AHNAK: variants seen among roughly 807,000 people sequenced by gnomAD.
The protein encoded by AHNAK is neuroblast differentiation-associated protein AHNAK.
AHNAK carries 23 observed loss-of-function variants against 37.8 expected under a neutral mutation model. That is an observed-to-expected ratio of 0.61 (90% CI 0.44 to 0.86). The LOEUF (loss-of-function observed/expected upper bound fraction) is 0.86, where lower values mean the gene tolerates loss of function less well. AHNAK is among the 40% of genes least tolerant of loss of function. The pLI, the probability that AHNAK is intolerant of heterozygous loss-of-function variation, is 0.00. For synonymous variants in AHNAK, 2,481 were observed against 2,636.3 expected (o/e 0.94, Z 1.80); for missense variants, 7,411 against 7,319.4 (o/e 1.01, Z -0.46).
chr11:62,488,565 A>ATTTTTT (rs57544040), intron 5 of AHNAK, among the ~76,000 whole-genome samples: 54 of 133,960 alleles, frequency 4.0e-4, no homozygotes, highest in African/African-American at 1.5e-3. Context: ...TGCCCAGCTA[A>ATTTTTT]TTTTTTTTTT....
chr11:62,463,255 C>T (rs1938831411), intron 5 of AHNAK, among the ~76,000 whole-genome samples: 2 of 152,012 alleles, frequency 1.3e-5, no homozygotes, highest in Admixed American at 6.6e-5. Flanking sequence ...TCTTCTGTTC[C>T]AATAAGTTGA....
chr11:62,519,456 G>A lies in AHNAK; in HGVS notation c.14961C>T (p.Pro4987=). 1 of 1,612,126 alleles carries A rather than the reference G, an allele frequency of 6.2e-7. No homozygotes were observed. Among genetic ancestry groups the A allele is most frequent in the Non-Finnish European group, 8.5e-7 (1 of 1,179,432 alleles). ...KPKFGFGAKS[P]KADIKSPSLD... is the part of the protein sequence containing the mutation. ...GTGAAGGTGACTTGATGTCAGCTTT[G>A]GGGCTTTTTGCCCCAAATCCAAACT... Residue 4987 remains proline (P), a synonymous_variant, in exon 5 of 5, where the codon CCC becomes CCT. Transcript: ENST00000378024.
In AHNAK at chr11:62,523,805, T is replaced by C. The variant is rs777127334; in HGVS notation, c.10612A>G (p.Ile3538Val). The change falls in exon 5 of 5, where the codon ATC becomes GTC. Residue 3538 changes from isoleucine to valine, a missense_variant. Ile to Val is a conservative substitution (Grantham distance 29). Coordinates refer to ENST00000378024, the MANE Select transcript of AHNAK (RefSeq NM_001620.3). ...GGCATGGAGATCTTGGGAGCTTTGA[T>C]ATTCATGTCAGGCATCTTGAATTTG... ...GPKFKMPDMN[I>V]KAPKISMPDI... is the part of the protein sequence containing the mutation. 6.2e-7 allele frequency: 1 copy of C among 1,614,158 alleles called. No individual in the cohort carries two copies. Among genetic ancestry groups the C allele is most frequent in the Non-Finnish European group, 8.5e-7 (1 of 1,180,018 alleles).
intron 4 of AHNAK, among the ~76,000 whole-genome samples, chr11:62,495,070 G>A (rs532352951): frequency 2.6e-4 from 40 of 152,056 alleles, no homozygotes; most frequent in African/African-American, 9.4e-4. Context: ...GGAGGCTGAG[G>A]TGGGACAATC....
intron 5 of AHNAK, among the ~76,000 whole-genome samples, chr11:62,454,506 A>T (rs1422555330): frequency 6.6e-6 from 1 of 152,110 alleles, no homozygotes; most frequent in Non-Finnish European, 1.5e-5. Flanking sequence ...ACAACACAAA[A>T]TGTGAATAAG....
chr11:62,533,774 C>A lies in AHNAK; in HGVS notation c.643G>T (p.Ala215Ser). The change falls in exon 5 of 5, where the codon GCC becomes TCC. Residue 215 changes from alanine (A) to serine (S), a missense_variant. Physicochemically the swap from Ala to Ser is moderately conservative, Grantham distance 99 (BLOSUM62 1). Coordinates refer to ENST00000378024, the MANE Select transcript of AHNAK (RefSeq NM_001620.3). ...VIRLPSGSGA[A>S]SPTGSAVDIR... is the part of the protein sequence containing the mutation. ...TCCACAGCAGAGCCTGTCGGAGAGG[C>A]TGCCCCCGAGCCCGAGGGCAGTCTG... 1 of 1,614,198 alleles carries A rather than the reference C, an allele frequency of 6.2e-7. No individual in the cohort carries two copies. Among genetic ancestry groups the A allele is most frequent in the Non-Finnish European group, 8.5e-7 (1 of 1,180,036 alleles).
intron 4 of AHNAK, among the ~76,000 whole-genome samples, chr11:62,507,620 G>A (rs914045487): frequency 2.6e-5 from 4 of 151,986 alleles, no homozygotes; most frequent in South Asian, 2.1e-4. Flanking sequence ...GCAAAACCCC[G>A]TCTCTACTAA....
At position 62,524,535 on chromosome 11, in the gene AHNAK, G is replaced by A. The variant is rs763438634; in HGVS notation, c.9882C>T (p.Ser3294=). 14 of 1,614,160 alleles carry A rather than the reference G, an allele frequency of 8.7e-6. No homozygotes were observed. In the South Asian group the frequency reaches 1.5e-4, roughly 18 times the overall value. The change falls in exon 5 of 5, where the codon TCC becomes TCT. Residue 3294 remains serine, a synonymous_variant. Transcript: ENST00000378024. ...PDMHVNMPKI[S]MPEIDLNLKG... ...TCAAATTCAAGTCAATTTCTGGCAT[G>A]GAGATCTTGGGCATGTTTACATGCA...
In AHNAK at chr11:62,527,307, T is replaced by C; in HGVS notation, c.7110A>G (p.Lys2370=). 1 of 1,613,826 alleles carries C rather than the reference T, an allele frequency of 6.2e-7. No individual in the cohort carries two copies. Among genetic ancestry groups the C allele is most frequent in the Non-Finnish European group, 8.5e-7 (1 of 1,179,936 alleles). Residue 2370 remains lysine (K), a synonymous_variant, in exon 5 of 5, where the codon AAA becomes AAG. Transcript: ENST00000378024. ...TATCTGGCATCTTGAACTTAGGAGT[T>C]TTCCACTTGCCATTTGGGCCTTCCA... The part of the protein sequence containing the change: ...VAVEGPNGKW[K]TPKFKMPDMH...
At chr11:62,487,552 G>T (rs11231107) in intron 5 of AHNAK, among the ~76,000 whole-genome samples, 130,176 of 152,276 alleles carry the variant, frequency 0.85, 57,987 homozygotes, top group East Asian at 0.98. Flanking sequence ...CACTGTCGCC[G>T]GTGGCGCAGT....
At chr11:62,504,214 G>A (rs934825737) in intron 4 of AHNAK, among the ~76,000 whole-genome samples, 2 of 151,880 alleles carry the variant, frequency 1.3e-5, no homozygotes, top group South Asian at 2.1e-4. Flanking sequence ...AAGAGAGAGA[G>A]AGAAAGAAAG....
chr11:62,544,628 C>G (rs1941247369), intron 1 of AHNAK, among the ~76,000 whole-genome samples: 1 of 151,494 alleles, frequency 6.6e-6, no homozygotes, highest in Non-Finnish European at 1.5e-5. Context: ...AACTTGGGGG[C>G]TCCCCTGTCC....
At chr11:62,543,537 C>T (rs1412938094) in intron 1 of AHNAK, among the ~76,000 whole-genome samples, 1 of 152,210 alleles carries the variant, frequency 6.6e-6, no homozygotes, top group African/African-American at 2.4e-5. Flanking sequence ...AGACTGCCAG[C>T]GACAGCTCAG....
chr11:62,523,632 A>T lies in AHNAK; in HGVS notation c.10785T>A (p.Gly3595=), dbSNP rs1454246179. The change falls in exon 5 of 5, where the codon GGT becomes GGA. Residue 3595 remains glycine (G), a synonymous_variant. Coordinates refer to ENST00000378024, the MANE Select transcript of AHNAK (RefSeq NM_001620.3). ...DINAPDVDVH[G]PDWHLKMPKV... Reference sequence around the variant, plus strand: ...TGGGCATCTTCAGATGCCAGTCTGGACCATGAACATCCACATCTGGGGCAT... The same window carrying T: ...TGGGCATCTTCAGATGCCAGTCTGGTCCATGAACATCCACATCTGGGGCAT... 1 of 1,613,912 alleles carries T rather than the reference A, an allele frequency of 6.2e-7. No individual in the cohort carries two copies. Among genetic ancestry groups the T allele is most frequent in the East Asian group, 2.2e-5 (1 of 44,862 alleles).
chr11:62,519,961 T>G lies in AHNAK; in HGVS notation c.14456A>C (p.Asp4819Ala). The G allele has an allele frequency of 6.2e-7, 1 of 1,613,362 alleles. No homozygotes were observed. The highest frequency in any genetic ancestry group is 8.5e-7 in the Non-Finnish European group (1 of 1,179,874). ...ACCTTCGATATTCACATCTGGAATA[T>G]CAACGTCCACCTTGGGTCCCGAGAC... The part of the protein sequence containing the change: ...IDVSGPKVDV[D>A]IPDVNIEGPD... Residue 4819 changes from aspartate (D) to alanine (A), a missense_variant, in exon 5 of 5, where the codon GAT (aspartate) becomes GCT (alanine). Transcript: ENST00000378024.
At chr11:62,498,420 A>G (rs1441647929) in intron 4 of AHNAK, among the ~76,000 whole-genome samples, 1 of 137,894 alleles carries the variant, frequency 7.3e-6, no homozygotes, top group African/African-American at 2.9e-5. Flanking sequence ...TTATAATTAC[A>G]CTATATAGTG....
At chr11:62,478,855 ACT>A (rs1939203381) in intron 5 of AHNAK, among the ~76,000 whole-genome samples, 1 of 150,998 alleles carries the variant, frequency 6.6e-6, no homozygotes. Context: ...CTTTGATGAC[ACT>A]GTTTCACTAA....
chr11:62,502,711 G>T (rs1370244459), intron 4 of AHNAK, among the ~76,000 whole-genome samples: 1 of 152,246 alleles, frequency 6.6e-6, no homozygotes, highest in African/African-American at 2.4e-5. Context: ...AGCTGGGGAA[G>T]ATGGGGAGTA....
chr11:62,449,816 A>G (rs750567466), intron 5 of AHNAK, among the ~76,000 whole-genome samples: 3 of 152,238 alleles, frequency 2.0e-5, no homozygotes, highest in Non-Finnish European at 4.4e-5. Flanking sequence ...TGTGGGATTC[A>G]ATGAGTTGAC....
Sources: allele counts gnomAD v4.1 joint callset (sites outside exome capture counted in the v4.1 genomes callset), GRCh38; gene constraint gnomAD v4.1.1; transcripts MANE v1.5; gene names NCBI Gene and HGNC (gene_info 2026-07-23, HGNC 2026-07-21).